WNT3: variants seen among roughly 807,000 people sequenced by gnomAD.
WNT3 encodes the protein proto-oncogene Wnt-3.
A neutral mutation model predicts 34.2 loss-of-function variants in WNT3; 7 were observed. The ratio of observed to expected loss-of-function variants is 0.20; its 90% confidence interval spans 0.12 to 0.38. The LOEUF is 0.38. Ranked by LOEUF, WNT3 falls within the 10% of genes least tolerant of loss-of-function variation. WNT3 has a pLI of 1.00. For synonymous variants in WNT3, 212 were observed against 211.5 expected (o/e 1.00, Z -0.02); for missense variants, 267 against 499.8 (o/e 0.53, Z 4.44).
chr17:46,811,014 T>C (rs1270661808), intron 1 of WNT3, among the ~76,000 whole-genome samples: 2 of 152,020 alleles, frequency 1.3e-5, no homozygotes, highest in Non-Finnish European at 2.9e-5. Flanking sequence ...TCCACACACA[T>C]AATGAGGCCA....
rs1188090602 is a variant in WNT3, at chr17:46,764,114, T to A, written c.*516A>T. ...GCTTTTATCAGAATGAGAAATTAGC[T>A]CAAATTTGAATGGGAGTGGACCAAG... On this transcript the variant is annotated 3_prime_UTR_variant, in exon 5 of 5. Coordinates refer to ENST00000225512, the MANE Select transcript of WNT3 (RefSeq NM_030753.5). 6.6e-6 allele frequency: 1 copy of A among 152,126 alleles called. No homozygotes were observed. The highest frequency in any genetic ancestry group is 1.5e-5 in the Non-Finnish European group (1 of 68,020). 9.4% of individuals were successfully genotyped at this position (152,126 alleles called of 1,614,324 possible).
chr17:46,784,933 G>A (rs1273968437), intron 1 of WNT3, among the ~76,000 whole-genome samples: 1 of 152,012 alleles, frequency 6.6e-6, no homozygotes, highest in Non-Finnish European at 1.5e-5. Flanking sequence ...CCGCCACCAT[G>A]CCCGGCTAAT....
chr17:46,768,632 G>C lies in WNT3; in HGVS notation c.756C>G (p.Ser252=). 6.2e-7 allele frequency: 1 copy of C among 1,614,148 alleles called. No individual in the cohort carries two copies. Among genetic ancestry groups the C allele is most frequent in the Non-Finnish European group, 8.5e-7 (1 of 1,180,034 alleles). Residue 252 remains serine (S), a synonymous_variant, in exon 4 of 5, where the codon TCC becomes TCG. Coordinates refer to ENST00000225512, the MANE Select transcript of WNT3 (RefSeq NM_030753.5). The surrounding 1 kb of genome is among the most constrained non-coding windows in gnomAD (Gnocchi z 5.0). The part of the protein sequence containing the change: ...SEMVVEKHRE[S]RGWVETLRAK... ...CCCGGAGGGTCTCCACCCAGCCTCG[G>C]GACTCACGGTGCTTCTCTACTACCA... is the stretch of plus-strand genomic sequence containing the variant.
intron 3 of WNT3, 97 bp downstream of exon 3, chr17:46,769,686 A>C (rs2059346387): frequency 6.5e-7 from 1 of 1,529,870 alleles, no homozygotes. Flanking sequence ...CGCGACCCAC[A>C]GGGCTGCCGG....
At chr17:46,771,269 G>T (rs868145530) in intron 2 of WNT3, among the ~76,000 whole-genome samples, 2 of 152,154 alleles carry the variant, frequency 1.3e-5, no homozygotes, top group African/African-American at 2.4e-5. Flanking sequence ...GCGGCAAGGG[G>T]GCCCGACGTC....
At chr17:46,798,469 G>C (rs1046797792) in intron 1 of WNT3, among the ~76,000 whole-genome samples, 1 of 152,170 alleles carries the variant, frequency 6.6e-6, no homozygotes, top group African/African-American at 2.4e-5. Context: ...TGATCAGCTT[G>C]CAGGAGAATA....
intron 1 of WNT3, among the ~76,000 whole-genome samples, chr17:46,816,459 T>G (rs2084348261): frequency 1.5e-5 from 2 of 132,072 alleles, no homozygotes; most frequent in Non-Finnish European, 3.1e-5. Context: ...CTTAGGGTCA[T>G]AGACCCAGAA....
chr17:46,809,313 C>T lies in WNT3; in HGVS notation c.80+9205G>A, dbSNP rs571578348. Among the ~76,000 whole-genome samples the T allele has an allele frequency of 2.6e-5, 4 of 152,262 alleles. No individual in the cohort carries two copies. In the East Asian group the frequency reaches 7.7e-4, roughly 29 times the overall value. On this transcript the variant is annotated intron_variant, in intron 1 of 4. Coordinates refer to ENST00000225512, the MANE Select transcript of WNT3 (RefSeq NM_030753.5). ...GGATCCTGCTCACTCACAGCACAAG[C>T]CCTATTTGCATTCCTAATGGGCCCT...
chr17:46,794,831 A>C (rs1383111788), intron 1 of WNT3, among the ~76,000 whole-genome samples: 1 of 149,414 alleles, frequency 6.7e-6, no homozygotes, highest in African/African-American at 2.5e-5. Flanking sequence ...GCTCACTGCA[A>C]CCTGCACCTC....
chr17:46,788,264 A>C (rs1049298361), intron 1 of WNT3, among the ~76,000 whole-genome samples: 1 of 152,178 alleles, frequency 6.6e-6, no homozygotes, highest in African/African-American at 2.4e-5. Flanking sequence ...TTGCATCTTT[A>C]GTTCATTTTA....
At chr17:46,810,735 T>C (rs1290052994) in intron 1 of WNT3, among the ~76,000 whole-genome samples, 1 of 151,848 alleles carries the variant, frequency 6.6e-6, no homozygotes, top group African/African-American at 2.4e-5. Flanking sequence ...CTGGGTGACC[T>C]GAACGCGGAA....
At chr17:46,814,578 A>ATCTG (rs773942311) in intron 1 of WNT3, among the ~76,000 whole-genome samples, 18 of 152,220 alleles carry the variant, frequency 1.2e-4, no homozygotes, top group Middle Eastern at 3.4e-3. Context: ...GTATCTGCCC[A>ATCTG]TCTGTCTGTC....
At chr17:46,781,931 G>A (rs1249446688) in intron 1 of WNT3, among the ~76,000 whole-genome samples, 1 of 152,144 alleles carries the variant, frequency 6.6e-6, no homozygotes, top group Non-Finnish European at 1.5e-5. Flanking sequence ...AGAACCCAGG[G>A]CTCACAGTTC....
chr17:46,772,162 C>T (rs954262666), intron 2 of WNT3, among the ~76,000 whole-genome samples: 2 of 152,190 alleles, frequency 1.3e-5, no homozygotes, highest in African/African-American at 4.8e-5. Flanking sequence ...GGGCTCTGGG[C>T]ACCGACCGGG....
chr17:46,799,228 C>A (rs1356168196), intron 1 of WNT3, among the ~76,000 whole-genome samples: 1 of 152,064 alleles, frequency 6.6e-6, no homozygotes, highest in Non-Finnish European at 1.5e-5. Flanking sequence ...TGCCTCCCCA[C>A]CCGCTTCTTT....
intron 1 of WNT3, among the ~76,000 whole-genome samples, chr17:46,812,229 AG>A (rs2084285668): frequency 6.6e-6 from 1 of 152,200 alleles, no homozygotes; most frequent in Non-Finnish European, 1.5e-5. Flanking sequence ...GGGATAAAGA[AG>A]GACCCTGCTT....
chr17:46,802,067 T>C (rs970285043), intron 1 of WNT3, among the ~76,000 whole-genome samples: 4 of 152,196 alleles, frequency 2.6e-5, no homozygotes, highest in African/African-American at 9.7e-5. Flanking sequence ...TGTACGCATG[T>C]TTGTGATATT....
rs754665277 is a variant in WNT3, at chr17:46,770,035, C to T, written c.336G>A (p.Ser112=). The T allele has an allele frequency of 6.4e-7, 1 of 1,556,700 alleles. No homozygotes were observed. Among genetic ancestry groups the T allele is most frequent in the Non-Finnish European group, 8.7e-7 (1 of 1,150,844 alleles). ...CCGAGGCGATGGCGTGAACGAAGGCCGACTCGCGGGTGGCTGCGGGGAGGT... is the reference window on the plus strand; with the variant it reads ...CCGAGGCGATGGCGTGAACGAAGGCTGACTCGCGGGTGGCTGCGGGGAGGT... ...GPVLDKATRE[S]AFVHAIASAG... The change falls in exon 3 of 5, where the codon TCG becomes TCA. Residue 112 remains serine (S), a synonymous_variant. Coordinates refer to ENST00000225512, the MANE Select transcript of WNT3 (RefSeq NM_030753.5).
At chr17:46,780,392 T>C (rs528088756) in intron 1 of WNT3, among the ~76,000 whole-genome samples, 1 of 152,250 alleles carries the variant, frequency 6.6e-6, no homozygotes, top group East Asian at 1.9e-4. Flanking sequence ...CTCCCCTACA[T>C]ACAGAACATA....
Sources: gnomAD v4.1 joint callset for allele counts (sites outside exome capture counted in the v4.1 genomes callset) on GRCh38, gnomAD v4.1.1 for gene constraint, Gnocchi (gnomAD v3.1) non-coding constraint, MANE v1.5 for transcripts, NCBI Gene and HGNC (gene_info 2026-07-23, HGNC 2026-07-21) for gene names.